The following LAMC3 variants were observed in gnomAD, a reference collection of about 807,000 sequenced individuals.
LAMC3 encodes laminin subunit gamma 3.
LAMC3 carries 128 observed loss-of-function variants against 173.8 expected under a neutral mutation model. The ratio of observed to expected loss-of-function variants is 0.74; its 90% CI spans 0.64 to 0.85. The LOEUF is 0.85. Ranked by LOEUF, LAMC3 falls within the 40% of genes least tolerant of loss-of-function variation. The probability of loss-of-function intolerance (pLI) is 0.00; values close to 1 mark genes in which losing one functional copy is unlikely to be tolerated. For missense variants in LAMC3, 2,022 were observed against 2,156.0 expected (o/e 0.94, Z 1.23); for synonymous variants, 897 against 909.1 (o/e 0.99, Z 0.24).
In LAMC3 at chr9:131,030,278, A is replaced by C. The variant is rs115877128; in HGVS notation, c.679-1767A>C. Reference sequence around the variant, plus strand: ...TAAGGCATCAAGACAGTCCCCCTGCAATTGAGGCTAAGGCTGCTCTCTCCC... The same window carrying C: ...TAAGGCATCAAGACAGTCCCCCTGCCATTGAGGCTAAGGCTGCTCTCTCCC... On this transcript the variant is annotated intron_variant, in intron 2 of 27. Coordinates refer to ENST00000361069, the MANE Select transcript of LAMC3 (RefSeq NM_006059.4). Among the ~76,000 whole-genome samples, 280 of 152,290 alleles carry C rather than the reference A, an allele frequency of 1.8e-3. 1 individual carries two copies. The highest frequency in any genetic ancestry group is 6.6e-3 in the African/African-American group (274 of 41,554).
At chr9:131,032,555 T>TCA (rs1833851617) in intron 3 of LAMC3, among the ~76,000 whole-genome samples, 1 of 123,612 alleles carries the variant, frequency 8.1e-6, no homozygotes, top group Non-Finnish European at 1.5e-5. Context: ...TTGCTCTCTC[T>TCA]CGCTCTCTCT....
chr9:131,059,602 A>G (rs7873858), intron 12 of LAMC3, among the ~76,000 whole-genome samples: 18,175 of 149,284 alleles, frequency 0.12, 3,557 homozygotes, highest in African/African-American at 0.41. Context: ...TCTTGTGTCC[A>G]TGGCAAGCAT....
intron 8 of LAMC3, among the ~76,000 whole-genome samples, chr9:131,047,165 C>CTTTTTTTTTTTTTTTTTT (rs398012456): frequency 7.8e-5 from 8 of 102,168 alleles, no homozygotes; most frequent in African/African-American, 2.3e-4. Context: ...CTGAATTCCT[C>CTTTTTTTTTTTTTTTTTT]TTTTTTTTTT....
At chr9:131,077,037 T>TC in intron 21 of LAMC3, 150 bp from the exon 22 acceptor site, 1 of 977,176 alleles carries the variant, frequency 1.0e-6, no homozygotes, top group East Asian at 2.5e-5. Context: ...GCAGCCACTT[T>TC]CCGAGGCAGC....
intron 11 of LAMC3, among the ~76,000 whole-genome samples, chr9:131,054,410 C>T (rs1230695874): frequency 6.6e-6 from 1 of 152,178 alleles, no homozygotes; most frequent in African/African-American, 2.4e-5. Flanking sequence ...TCTCTCTAAA[C>T]CTTTCTGTGT....
chr9:131,067,074 T>C lies in LAMC3; in HGVS notation c.2462T>C (p.Val821Ala), dbSNP rs1164999772. 6 of 1,614,082 alleles carry C rather than the reference T, an allele frequency of 3.7e-6. No homozygotes were observed. Among genetic ancestry groups the C allele is most frequent in the Non-Finnish European group, 5.1e-6 (6 of 1,180,012 alleles). Residue 821 changes from valine to alanine, a missense_variant, in exon 14 of 28, where the codon GTG becomes GCG. By Grantham distance (64) the Val-to-Ala change is moderately conservative. Coordinates refer to ENST00000361069, the MANE Select transcript of LAMC3 (RefSeq NM_006059.4). ...AGCGGGAACGTGGACCCCAATGCCG[T>C]GGGCAACTGTGACCCCCTGTCTGGC... ...QCSGNVDPNA[V>A]GNCDPLSGHC...
At chr9:131,083,498 C>G (rs1224197105) in intron 24 of LAMC3, among the ~76,000 whole-genome samples, 1 of 146,110 alleles carries the variant, frequency 6.8e-6, no homozygotes, top group Non-Finnish European at 1.5e-5. Context: ...CCGGGGGTCT[C>G]CTAGCCTATT....
At chr9:131,037,677 T>C (rs1398730998) in intron 4 of LAMC3, among the ~76,000 whole-genome samples, 1 of 152,222 alleles carries the variant, frequency 6.6e-6, no homozygotes, top group Non-Finnish European at 1.5e-5. Flanking sequence ...CAATGTTTTA[T>C]AGAGCTCGGC....
intron 13 of LAMC3, among the ~76,000 whole-genome samples, chr9:131,066,538 G>A (rs906748269): frequency 1.3e-5 from 2 of 151,992 alleles, no homozygotes; most frequent in Non-Finnish European, 2.9e-5. Flanking sequence ...GATGAAGAAG[G>A]TCATGGTGAT....
At chr9:131,018,369 A>C (rs1368240518) in intron 1 of LAMC3, among the ~76,000 whole-genome samples, 4 of 152,086 alleles carry the variant, frequency 2.6e-5, no homozygotes, top group African/African-American at 9.6e-5. Flanking sequence ...TCCTGAGCTC[A>C]GGTGATCCCC....
At chr9:131,056,872 A>G in intron 11 of LAMC3, 57 bp from the exon 12 acceptor site, 3 of 1,370,322 alleles carry the variant, frequency 2.2e-6, no homozygotes, top group Non-Finnish European at 3.1e-6. Context: ...TTTTGGGGGG[A>G]AGCATGTGCA....
At position 131,032,547 on chromosome 9, in the gene LAMC3, G is replaced by GCTCTCTCTCGCT. The variant is rs1191427581; in HGVS notation, c.809+381_809+392dup. On this transcript the variant is annotated intron_variant, in intron 3 of 27. Transcript: ENST00000361069. ...CTCTCTCTCGCTGTCTCTCTCTCTT[G>GCTCTCTCTCGCT]CTCTCTCTCGCTCTCTCTCTTGCTC... Among the ~76,000 whole-genome samples the GCTCTCTCTCGCT allele has an allele frequency of 1.0e-4, 11 of 110,284 alleles. No homozygotes were observed. In the East Asian group the frequency reaches 2.5e-3, roughly 25 times the overall value. 72.4% of individuals were successfully genotyped at this position (110,284 alleles called of 152,430 possible). A position where few individuals can be genotyped will look rare whatever the true frequency, so the allele number is the denominator to read the frequency against.
chr9:131,012,614 T>C (rs1833441158), intron 1 of LAMC3, among the ~76,000 whole-genome samples: 1 of 152,184 alleles, frequency 6.6e-6, no homozygotes, highest in Non-Finnish European at 1.5e-5. Flanking sequence ...TTCCTATGAC[T>C]TAGGTTTGCT....
At chr9:131,025,624 G>A (rs936582592) in intron 1 of LAMC3, among the ~76,000 whole-genome samples, 1 of 152,166 alleles carries the variant, frequency 6.6e-6, no homozygotes, top group African/African-American at 2.4e-5. Flanking sequence ...GAGGAGGTGA[G>A]CATGATCAGA....
At chr9:131,023,423 A>T (rs1055130320) in intron 1 of LAMC3, among the ~76,000 whole-genome samples, 17 of 152,102 alleles carry the variant, frequency 1.1e-4, no homozygotes, top group African/African-American at 4.1e-4. Flanking sequence ...CAATCCCCCA[A>T]CTTCCTCACC....
rs117710467 is a variant in LAMC3 at position 131,069,848 on chromosome 9, G to A, written c.3067G>A (p.Glu1023Lys). Residue 1023 changes from glutamate to lysine, a missense_variant and splice_region_variant, in exon 17 of 28, where the codon GAG becomes AAG. Transcript: ENST00000361069. ...GTCCTGCTACGCCCTGGTGAAGGAGGAGGTGAGTCGGCCCAGACCCACTCA... is the reference window on the plus strand; with the variant it reads ...GTCCTGCTACGCCCTGGTGAAGGAGAAGGTGAGTCGGCCCAGACCCACTCA... Reference protein sequence around the residue: ...CPSCYALVKEEAAKLKARLTL... With the variant: ...CPSCYALVKEKAAKLKARLTL... The A allele has an allele frequency of 4.4e-6, 7 of 1,584,996 alleles. No individual in the cohort carries two copies. Among genetic ancestry groups the A allele is most frequent in the East Asian group, 2.3e-5 (1 of 43,758 alleles).
chr9:131,026,290 G>T lies in LAMC3; in HGVS notation c.379G>T (p.Ala127Ser). 1 of 1,614,100 alleles carries T rather than the reference G, an allele frequency of 6.2e-7. No homozygotes were observed. Among genetic ancestry groups the T allele is most frequent in the East Asian group, 2.2e-5 (1 of 44,872 alleles). Residue 127 changes from alanine to serine, a missense_variant, in exon 2 of 28, where the codon GCT becomes TCT. Physicochemically the swap from Ala to Ser is moderately conservative, Grantham distance 99 (BLOSUM62 1). Coordinates refer to ENST00000361069, the MANE Select transcript of LAMC3 (RefSeq NM_006059.4). The surrounding 1 kb of genome is among the most constrained non-coding windows in gnomAD (Gnocchi z 4.8). ...SVNITLRLGKAYEITYVRLKF... is the reference protein window; with the variant it reads ...SVNITLRLGKSYEITYVRLKF... ...CCCCGTTTTCCTGGCTGCAGGGAAG[G>T]CTTATGAGATCACGTATGTGAGGCT...
chr9:131,068,679 A>G (rs1829985842), intron 15 of LAMC3, among the ~76,000 whole-genome samples: 1 of 152,124 alleles, frequency 6.6e-6, no homozygotes, highest in Non-Finnish European at 1.5e-5. Context: ...AGTCTCCCCG[A>G]GACACGTTTG....
intron 7 of LAMC3, among the ~76,000 whole-genome samples, chr9:131,044,345 A>G (rs2133265478): frequency 6.6e-6 from 1 of 151,960 alleles, no homozygotes; most frequent in Admixed American, 6.5e-5. Flanking sequence ...CCCTGTCTCT[A>G]CTAAAAATAC....
Sources: allele counts gnomAD v4.1 joint callset (sites outside exome capture counted in the v4.1 genomes callset), GRCh38; gene constraint gnomAD v4.1.1; non-coding constraint Gnocchi (gnomAD v3.1); transcripts MANE v1.5; gene names NCBI Gene and HGNC (gene_info 2026-07-23, HGNC 2026-07-21).